DRC8: variants seen among roughly 807,000 people sequenced by gnomAD.
DRC8 encodes the protein dynein regulatory complex protein 8.
At chr1:245,076,360 G>C in the DRC8 span, among the ~76,000 whole-genome samples, 3,385 of 152,306 alleles carry the variant, frequency 0.022, 113 homozygotes, top group African/African-American at 0.076. Flanking sequence ...TGAGCATGCT[G>C]AAGCTAGAGG....
the DRC8 span, chr1:244,970,714 CCTCCTCCCGCCTTCTTCTTT>C: frequency 2.2e-6 from 1 of 462,438 alleles, no homozygotes; most frequent in Non-Finnish European, 3.7e-6. Flanking sequence ...TTCTCTCTCC[CCTCCTCCCGCCTTCTTCTTT>C]CTCCTCCCGC....
chr1:245,120,955 G>A, the DRC8 span, among the ~76,000 whole-genome samples: 2 of 152,244 alleles, frequency 1.3e-5, no homozygotes, highest in African/African-American at 4.8e-5. Flanking sequence ...GGTGTTGACA[G>A]GAATGGTGTT....
At chr1:245,056,176 T>G in the DRC8 span, among the ~76,000 whole-genome samples, 3 of 152,216 alleles carry the variant, frequency 2.0e-5, no homozygotes, top group Non-Finnish European at 4.4e-5. Flanking sequence ...CACCCTCCAG[T>G]TAATGTTACC....
At chr1:245,078,003 C>T in the DRC8 span, among the ~76,000 whole-genome samples, 1 of 151,938 alleles carries the variant, frequency 6.6e-6, no homozygotes, top group African/African-American at 2.4e-5. Flanking sequence ...ACTCAGACAA[C>T]TCAATTGCAA....
the DRC8 span, among the ~76,000 whole-genome samples, chr1:245,052,628 C>T: frequency 6.6e-6 from 1 of 152,352 alleles, no homozygotes; most frequent in Admixed American, 6.5e-5. Flanking sequence ...GAGCCTGGCA[C>T]AGAAGCAGAG....
chr1:244,990,208 G>A, the DRC8 span, among the ~76,000 whole-genome samples: 99 of 152,302 alleles, frequency 6.5e-4, 1 homozygote, highest in East Asian at 4.2e-3. Flanking sequence ...GCATTTTATC[G>A]TCTCACATAT....
At chr1:245,106,402 AATG>A in the DRC8 span, among the ~76,000 whole-genome samples, 1 of 152,182 alleles carries the variant, frequency 6.6e-6, no homozygotes, top group East Asian at 1.9e-4. Context: ...TATTTAGATA[AATG>A]ATAACAGTAC....
chr1:245,059,578 G>C, the DRC8 span: 2 of 709,762 alleles, frequency 2.8e-6, no homozygotes. Context: ...AATGTGCTCA[G>C]TGGAAATATT....
chr1:245,016,273 A>G, the DRC8 span, among the ~76,000 whole-genome samples: 2 of 151,864 alleles, frequency 1.3e-5, no homozygotes. Context: ...GAGCCACCGC[A>G]CCTAGCCAAG....
the DRC8 span, among the ~76,000 whole-genome samples, chr1:245,051,254 T>C: frequency 6.6e-6 from 1 of 150,684 alleles, no homozygotes; most frequent in Admixed American, 6.6e-5. Flanking sequence ...CAGCTGGGCA[T>C]GATGGTGTGT....
the DRC8 span, among the ~76,000 whole-genome samples, chr1:245,040,076 A>G: frequency 1.1e-4 from 17 of 152,310 alleles, 1 homozygote; most frequent in South Asian, 8.3e-4. Context: ...CCGTTGGTCA[A>G]TCTTGCCTGT....
chr1:244,970,455 G>A, the DRC8 span: 1 of 1,525,610 alleles, frequency 6.6e-7, no homozygotes, highest in South Asian at 1.2e-5. Flanking sequence ...TAAGGTAGGG[G>A]AGCCGGGGAG....
the DRC8 span, among the ~76,000 whole-genome samples, chr1:244,972,732 G>A: frequency 6.6e-6 from 1 of 151,398 alleles, no homozygotes; most frequent in Admixed American, 6.6e-5. Flanking sequence ...CAGGAGAATT[G>A]CTTGAACCGG....
At chr1:244,990,592 GA>G in the DRC8 span, among the ~76,000 whole-genome samples, 1 of 152,128 alleles carries the variant, frequency 6.6e-6, no homozygotes, top group Admixed American at 6.6e-5. Flanking sequence ...TTGGCCATTG[GA>G]AGCTCTTTTC....
the DRC8 span, among the ~76,000 whole-genome samples, chr1:245,080,818 C>T: frequency 6.6e-6 from 1 of 152,220 alleles, no homozygotes; most frequent in Non-Finnish European, 1.5e-5. Context: ...TCCCATTGTT[C>T]TCAGGCTAGC....
chr1:245,034,685 T>C, the DRC8 span, among the ~76,000 whole-genome samples: 17 of 149,536 alleles, frequency 1.1e-4, no homozygotes, highest in Non-Finnish European at 1.2e-4. Flanking sequence ...TAAGACTCAT[T>C]AAATGCCTAT....
At chr1:245,043,305 C>T in the DRC8 span, among the ~76,000 whole-genome samples, 3 of 152,048 alleles carry the variant, frequency 2.0e-5, no homozygotes, top group East Asian at 5.8e-4. Flanking sequence ...TGGTGGTGGG[C>T]ACCTGTAATC....
chr1:245,029,787 G>A, the DRC8 span, among the ~76,000 whole-genome samples: 1 of 151,734 alleles, frequency 6.6e-6, no homozygotes, highest in South Asian at 2.1e-4. Context: ...GTAGAGATGG[G>A]GTTTCACCAT....
At chr1:244,984,381 G>GTTTCTT in the DRC8 span, among the ~76,000 whole-genome samples, 1 of 152,070 alleles carries the variant, frequency 6.6e-6, no homozygotes, top group African/African-American at 2.4e-5. Context: ...TAGATATTTT[G>GTTTCTT]TTTCTTTTGT....
Sources: allele counts gnomAD v4.1 joint callset (sites outside exome capture counted in the v4.1 genomes callset), GRCh38; gene constraint gnomAD v4.1.1; transcripts MANE v1.5; gene names NCBI Gene and HGNC (gene_info 2026-07-23, HGNC 2026-07-21).